KCTD1: variants seen among roughly 807,000 people sequenced by gnomAD.
The protein encoded by KCTD1 is potassium channel tetramerization domain containing 1, also known as BTB/POZ domain-containing protein KCTD1.
Under a neutral mutation model 66.0 loss-of-function variants are expected in KCTD1, and 24 were observed. The observed-to-expected ratio is 0.36, with a 90% CI of 0.26 to 0.51. The LOEUF (loss-of-function observed/expected upper bound fraction) is 0.51, where lower values mean the gene tolerates loss of function less well. Among genes scored for constraint, KCTD1 ranks in the 20% least tolerant of loss-of-function variants. The probability of loss-of-function intolerance (pLI) is 0.95; values close to 1 mark genes in which losing one functional copy is unlikely to be tolerated. For synonymous variants in KCTD1, 511 were observed against 517.2 expected, an observed-to-expected ratio of 0.99 and a Z score of 0.16; for missense variants, 943 against 1,205.2, an observed-to-expected ratio of 0.78 and a Z score of 3.22.
chr18:26,618,096 T>C (rs1241430997), intron 1 of KCTD1, among the ~76,000 whole-genome samples: 2 of 149,438 alleles, frequency 1.3e-5, no homozygotes, highest in Admixed American at 1.3e-4. Context: ...AGACCTAGGT[T>C]TAAAAAAAAA....
chr18:26,465,542 A>T (rs943561662), intron 3 of KCTD1, among the ~76,000 whole-genome samples: 1 of 152,228 alleles, frequency 6.6e-6, no homozygotes, highest in Non-Finnish European at 1.5e-5. Flanking sequence ...AAGGATACCC[A>T]GACTAGGATT....
intron 1 of KCTD1, among the ~76,000 whole-genome samples, chr18:26,602,304 T>A (rs1986916558): frequency 6.6e-6 from 1 of 152,218 alleles, no homozygotes; most frequent in African/African-American, 2.4e-5. Context: ...TTGGGATAAA[T>A]CTCATTTGAT....
At position 26,477,290 on chromosome 18, in the gene KCTD1, C is replaced by T. The variant is rs576101503; in HGVS notation, c.1989-631G>A. 1.1e-4 allele frequency among the ~76,000 whole-genome samples: 17 copies of T among 152,248 alleles called. 1 individual carries two copies. In the East Asian group the frequency reaches 3.1e-3, roughly 28 times the overall value. ...CCATTACAAAAAAAATTTGGCCACC[C>T]CCAAAATATGACCTGTTCCAGAACA... On this transcript the variant is annotated intron_variant, in intron 2 of 4. Transcript: ENST00000580059.
At chr18:26,618,460 A>G (rs1470972669) in intron 1 of KCTD1, among the ~76,000 whole-genome samples, 1 of 152,216 alleles carries the variant, frequency 6.6e-6, no homozygotes, top group East Asian at 1.9e-4. Context: ...CTGTCCTCAG[A>G]GAACCGCAAA....
At chr18:26,462,134 CTG>C (rs1980467362) in intron 3 of KCTD1, among the ~76,000 whole-genome samples, 1 of 152,214 alleles carries the variant, frequency 6.6e-6, no homozygotes, top group Non-Finnish European at 1.5e-5. Context: ...ATAATCCACT[CTG>C]AGGTCTGGCC....
chr18:26,596,931 T>A (rs1986779117), intron 1 of KCTD1, among the ~76,000 whole-genome samples: 1 of 152,150 alleles, frequency 6.6e-6, no homozygotes, highest in South Asian at 2.1e-4. Flanking sequence ...GCTCTTTGAT[T>A]TCCTCTTTCC....
Position 26,455,648 on chromosome 18 carries a change from A to G in KCTD1, c.*95T>C. On this transcript the variant is annotated 3_prime_UTR_variant, in exon 5 of 5. Transcript: ENST00000580059. The stretch of plus-strand genomic sequence containing the variant: ...TCTTTTATTCGATTTTACGTCCAGG[A>G]CTTGGTTTGCTGTCCCAACTGCACA... 6.6e-7 allele frequency: 1 copy of G among 1,504,052 alleles called. No individual in the cohort carries two copies. Among genetic ancestry groups the G allele is most frequent in the Non-Finnish European group, 9.2e-7 (1 of 1,091,216 alleles). The allele number at this position is 1,504,052 out of a possible 1,614,324, so 93.2% of individuals were successfully genotyped here.
intron 1 of KCTD1, among the ~76,000 whole-genome samples, chr18:26,617,837 A>G (rs1987287037): frequency 1.2e-5 from 1 of 80,552 alleles, no homozygotes; most frequent in Non-Finnish European, 2.7e-5. Context: ...AGGAAGAAGG[A>G]AGGAAGGAAG....
intron 1 of KCTD1, among the ~76,000 whole-genome samples, chr18:26,503,589 T>C (rs766993117): frequency 1.3e-5 from 2 of 152,080 alleles, no homozygotes; most frequent in Non-Finnish European, 2.9e-5. Flanking sequence ...GTTTTTCAAT[T>C]GGACACATTC....
upstream of KCTD1, among the ~76,000 whole-genome samples, chr18:26,552,559 C>T (rs1290246251): frequency 6.6e-6 from 1 of 152,214 alleles, no homozygotes; most frequent in African/African-American, 2.4e-5. Flanking sequence ...AACTACAAGG[C>T]AACATTATTG....
At chr18:26,604,805 G>T (rs193072255) in intron 1 of KCTD1, among the ~76,000 whole-genome samples, 1 of 152,118 alleles carries the variant, frequency 6.6e-6, no homozygotes, top group Admixed American at 6.5e-5. Context: ...TTAATACCTG[G>T]GTGATGAAAT....
chr18:26,477,122 G>C (rs1318385678), intron 2 of KCTD1, among the ~76,000 whole-genome samples: 1 of 152,176 alleles, frequency 6.6e-6, no homozygotes, highest in East Asian at 1.9e-4. Context: ...ATAAGGCAAA[G>C]CCTATATGTT....
At chr18:26,531,836 C>T (rs977542951) in intron 1 of KCTD1, among the ~76,000 whole-genome samples, 1 of 152,240 alleles carries the variant, frequency 6.6e-6, no homozygotes, top group African/African-American at 2.4e-5. Context: ...AAGCTGATCT[C>T]ATTCTCCAAA....
chr18:26,474,685 T>C (rs1472591542), intron 3 of KCTD1, among the ~76,000 whole-genome samples: 1 of 152,246 alleles, frequency 6.6e-6, no homozygotes, highest in Non-Finnish European at 1.5e-5. Flanking sequence ...AGATCTTTTA[T>C]GATGGGTATT....
chr18:26,523,416 T>C (rs750751522), intron 1 of KCTD1, among the ~76,000 whole-genome samples: 105 of 152,158 alleles, frequency 6.9e-4, no homozygotes, highest in Non-Finnish European at 1.0e-3. Context: ...TTATAAAACG[T>C]AGATAATAGT....
At chr18:26,530,894 C>G (rs762586304) in intron 1 of KCTD1, among the ~76,000 whole-genome samples, 2 of 152,148 alleles carry the variant, frequency 1.3e-5, no homozygotes, top group Non-Finnish European at 2.9e-5. Flanking sequence ...ATACTTAGAT[C>G]CTTTCTGTTC....
intron 2 of KCTD1, among the ~76,000 whole-genome samples, chr18:26,479,968 C>T (rs1177507239): frequency 6.6e-6 from 1 of 151,612 alleles, no homozygotes; most frequent in Non-Finnish European, 1.5e-5. Flanking sequence ...GTTTACTAAC[C>T]TTGGAGAACA....
rs1013699472 is a variant in KCTD1 at position 26,534,424 on chromosome 18, G to A, written c.1809+12304C>T. On this transcript the variant is annotated intron_variant, in intron 1 of 4. Transcript: ENST00000580059. ...TATTTTATCCTTGCCAAAGATGTGA[G>A]TTCTCCAACTGGTTTCTTTGTACAT... Among the ~76,000 whole-genome samples, 5 of 151,964 alleles carry A rather than the reference G, an allele frequency of 3.3e-5. 1 individual carries two copies. The South Asian group carries it at 8.3e-4, about 25-fold the overall frequency.
At position 26,546,846 on chromosome 18, in the gene KCTD1, T is replaced by C; in HGVS notation, c.1691A>G (p.Asp564Gly). 2 of 1,520,424 alleles carry C rather than the reference T, an allele frequency of 1.3e-6. No homozygotes were observed. Among genetic ancestry groups the C allele is most frequent in the Non-Finnish European group, 1.8e-6 (2 of 1,134,714 alleles). 94.2% of individuals were successfully genotyped at this position (1,520,424 alleles called of 1,614,324 possible). A position where few individuals can be genotyped will look rare whatever the true frequency, so the allele number is the denominator to read the frequency against. Reference protein sequence around the residue: ...RLCIRPSEPVDAVVVVSVKHD... With the variant: ...RLCIRPSEPVGAVVVVSVKHD... ...TTTCACGGAAACCACCACCACCGCA[T>C]CCACAGGCTCCGAGGGGCGGATACA... is the stretch of plus-strand genomic sequence containing the variant. Residue 564 changes from aspartate (D) to glycine (G), a missense_variant, in exon 1 of 5, where the codon GAT (aspartate) becomes GGT (glycine). This residue lies in a region of KCTD1 where 197 missense variants were observed against 182.7 expected (regional missense o/e 1.08). Transcript: ENST00000580059.
Sources: allele counts gnomAD v4.1 joint callset (sites outside exome capture counted in the v4.1 genomes callset), GRCh38; gene constraint gnomAD v4.1.1; regional missense constraint gnomAD v4.1.1; transcripts MANE v1.5; gene names NCBI Gene and HGNC (gene_info 2026-07-23, HGNC 2026-07-21).